The following TACC2 variants were observed in gnomAD, a reference collection of about 807,000 sequenced individuals.
The protein encoded by TACC2 is transforming acidic coiled-coil containing protein 2.
In TACC2, 137 loss-of-function variants were observed where a neutral mutation model predicts 227.3. The observed-to-expected ratio is 0.60, with a 90% CI of 0.52 to 0.69. The LOEUF (loss-of-function observed/expected upper bound fraction) is 0.69, where lower values mean the gene tolerates loss of function less well. Ranked by LOEUF, TACC2 falls within the 30% of genes least tolerant of loss-of-function variation. The pLI is 0.00. For synonymous variants in TACC2, 1,523 were observed against 1,487.5 expected, an observed-to-expected ratio of 1.02 and a Z score of -0.55; for missense variants, 3,470 against 3,694.4, an observed-to-expected ratio of 0.94 and a Z score of 1.57.
At chr10:121,990,149 TGCCCAG>T (rs1395285572) in intron 1 of TACC2, among the ~76,000 whole-genome samples, 1 of 152,060 alleles carries the variant, frequency 6.6e-6, no homozygotes, top group Non-Finnish European at 1.5e-5. Flanking sequence ...CTTGCTCTAC[TGCCCAG>T]GCTGGAGTGC....
intron 6 of TACC2, among the ~76,000 whole-genome samples, chr10:122,142,665 T>C (rs1361830212): frequency 6.6e-6 from 1 of 152,200 alleles, no homozygotes; most frequent in Non-Finnish European, 1.5e-5. Flanking sequence ...GCAAGGGCTG[T>C]GACGCCACAA....
At chr10:122,022,221 G>A (rs938031691) in intron 2 of TACC2, 11 of 536,662 alleles carry the variant, frequency 2.0e-5, no homozygotes, top group Middle Eastern at 4.9e-4. Context: ...AGTTAAAGCC[G>A]GAAACGCTAA....
chr10:122,161,053 C>A (rs2092788877), intron 7 of TACC2, among the ~76,000 whole-genome samples: 1 of 152,154 alleles, frequency 6.6e-6, no homozygotes, highest in African/African-American at 2.4e-5. Context: ...AGCACATCAG[C>A]CTCCTGAGTA....
intron 3 of TACC2, among the ~76,000 whole-genome samples, chr10:122,082,266 C>T (rs75900820): frequency 6.6e-6 from 1 of 152,294 alleles, no homozygotes; most frequent in Non-Finnish European, 1.5e-5. Flanking sequence ...TATCATTGTG[C>T]CACTGCACCT....
At chr10:122,021,343 T>C (rs1957323870) in intron 1 of TACC2, among the ~76,000 whole-genome samples, 3 of 152,114 alleles carry the variant, frequency 2.0e-5, no homozygotes, top group Admixed American at 6.6e-5. Context: ...TCTCGTCTGG[T>C]CCCAATCTCC....
Position 122,087,491 on chromosome 10 carries a change from T to A in TACC2, c.4991T>A (p.Val1664Asp), listed in dbSNP as rs1177597442. Reference protein sequence around the residue: ...DTLGGERRPGVTAGILEMRNA... With the variant: ...DTLGGERRPGDTAGILEMRNA... The stretch of plus-strand genomic sequence containing the variant: ...CTTGGGGGTGAAAGGAGACCCGGAG[T>A]CACTGCTGGCATCTTGGAAATGCGA... The change falls in exon 4 of 23, where the codon GTC becomes GAC. Residue 1664 changes from valine to aspartate, a missense_variant. Coordinates refer to ENST00000369005, the MANE Select transcript of TACC2 (RefSeq NM_206862.4). 6 of 1,613,648 alleles carry A rather than the reference T, an allele frequency of 3.7e-6. No homozygotes were observed. In the African/African-American group the frequency reaches 8.0e-5, roughly 22 times the overall value.
intron 4 of TACC2, 106 bp from the exon 5 acceptor site, chr10:122,088,372 A>C: frequency 9.9e-7 from 1 of 1,011,658 alleles, no homozygotes; most frequent in Non-Finnish European, 1.4e-6. Flanking sequence ...TTTTTGTAGT[A>C]GCCACTTAAA....
intron 5 of TACC2, among the ~76,000 whole-genome samples, chr10:122,100,212 C>T (rs561546883): frequency 1.3e-5 from 2 of 150,790 alleles, no homozygotes; most frequent in Non-Finnish European, 2.9e-5. Context: ...TGCAGTGAGC[C>T]GAGATCGTGC....
At chr10:122,012,532 G>A (rs1956078751) in intron 1 of TACC2, among the ~76,000 whole-genome samples, 1 of 151,212 alleles carries the variant, frequency 6.6e-6, no homozygotes. Context: ...AGGATTACAA[G>A]CATGAGCCAC....
intron 6 of TACC2, among the ~76,000 whole-genome samples, chr10:122,140,105 G>A (rs532601444): frequency 1.3e-5 from 2 of 152,192 alleles, no homozygotes; most frequent in Non-Finnish European, 2.9e-5. Context: ...GACTGCAGCC[G>A]AATGGGCAGT....
chr10:122,136,107 T>C (rs1425157800), intron 6 of TACC2, among the ~76,000 whole-genome samples: 1 of 152,214 alleles, frequency 6.6e-6, no homozygotes, highest in East Asian at 1.9e-4. Context: ...ATGTTTTGGT[T>C]GATTGGCTGA....
At chr10:122,044,214 A>G (rs533720644) in intron 2 of TACC2, among the ~76,000 whole-genome samples, 110 of 152,352 alleles carry the variant, frequency 7.2e-4, no homozygotes, top group African/African-American at 2.5e-3. Context: ...GGAAAGCTGA[A>G]ATCCCACGCT....
intron 5 of TACC2, among the ~76,000 whole-genome samples, chr10:122,109,997 A>T (rs539939360): frequency 1.1e-4 from 16 of 152,222 alleles, no homozygotes; most frequent in Non-Finnish European, 2.2e-4. Context: ...GTAGAACTTA[A>T]AGATATGACA....
At chr10:122,234,163 C>T (rs1044954691) in intron 16 of TACC2, among the ~76,000 whole-genome samples, 4 of 152,202 alleles carry the variant, frequency 2.6e-5, no homozygotes, top group South Asian at 2.1e-4. Context: ...AGGGATCCTG[C>T]CACAGTGCTA....
intron 8 of TACC2, among the ~76,000 whole-genome samples, chr10:122,196,403 C>T (rs546057341): frequency 4.6e-5 from 7 of 152,262 alleles, no homozygotes; most frequent in South Asian, 2.1e-4. Context: ...CCGTCTTTGA[C>T]GGCTCATCAG....
chr10:122,048,275 A>G (rs539644495), intron 2 of TACC2, among the ~76,000 whole-genome samples: 21 of 152,082 alleles, frequency 1.4e-4, no homozygotes, highest in South Asian at 8.3e-4. Flanking sequence ...CATACCTACT[A>G]TCTTCCTGGG....
chr10:122,060,412 A>C (rs2076667511), intron 3 of TACC2, among the ~76,000 whole-genome samples: 2 of 152,234 alleles, frequency 1.3e-5, no homozygotes, highest in Non-Finnish European at 2.9e-5. Context: ...GCTGCCTGCA[A>C]GGAAGTTAGA....
chr10:122,104,078 C>T (rs2082471940), intron 5 of TACC2, among the ~76,000 whole-genome samples: 1 of 152,174 alleles, frequency 6.6e-6, no homozygotes, highest in Non-Finnish European at 1.5e-5. Context: ...GCTGTTTCTG[C>T]AGCTCCTAGA....
intron 6 of TACC2, among the ~76,000 whole-genome samples, chr10:122,134,728 A>G (rs2089205438): frequency 6.6e-6 from 1 of 152,154 alleles, no homozygotes. Context: ...CAAAGCCTGG[A>G]AGGGAGCCGA....
Sources: gnomAD v4.1 joint callset for allele counts (sites outside exome capture counted in the v4.1 genomes callset) on GRCh38, gnomAD v4.1.1 for gene constraint, MANE v1.5 for transcripts, NCBI Gene and HGNC (gene_info 2026-07-23, HGNC 2026-07-21) for gene names.